RARB: variants seen among roughly 807,000 people sequenced by gnomAD.
The protein encoded by RARB is retinoic acid receptor beta.
A neutral mutation model predicts 51.9 loss-of-function variants in RARB; 17 were observed. That is an observed-to-expected ratio of 0.33 (90% CI 0.22 to 0.49). The LOEUF (loss-of-function observed/expected upper bound fraction) is 0.49. Ranked by LOEUF, RARB falls within the 20% of genes least tolerant of loss-of-function variation. The pLI is 0.99. For synonymous variants in RARB, 215 were observed against 195.4 expected, an observed-to-expected ratio of 1.10 and a Z score of -0.84; for missense variants, 369 against 550.8, an observed-to-expected ratio of 0.67 and a Z score of 3.30.
intron 2 of RARB, among the ~76,000 whole-genome samples, chr3:25,497,009 C>A (rs1215272464): frequency 6.6e-6 from 1 of 152,164 alleles, no homozygotes; most frequent in African/African-American, 2.4e-5. Flanking sequence ...CTCAGCCTCC[C>A]GAGTAGCTGG....
At chr3:24,953,184 A>G (rs1695937388) in intron 2 of RARB, among the ~76,000 whole-genome samples, 1 of 152,160 alleles carries the variant, frequency 6.6e-6, no homozygotes, top group African/African-American at 2.4e-5. Context: ...AAGTGGTATT[A>G]TGCATCTCTT....
In RARB at chr3:24,912,658, A is replaced by G. The variant is rs553121335; in HGVS notation, c.-380+53906A>G. Among the ~76,000 whole-genome samples the G allele has an allele frequency of 5.6e-4, 85 of 152,174 alleles. 1 individual carries two copies. Among genetic ancestry groups the G allele is most frequent in the Non-Finnish European group, 1.0e-3 (70 of 68,032 alleles). On this transcript the variant is annotated intron_variant, in intron 2 of 11. Coordinates refer to the RARB transcript ENST00000383772. ...CCCATCGCTGGGAGGATTTAAATAG[A>G]AGAAGCCACTATTTCTCAGGGAAGA...
intron 5 of RARB, among the ~76,000 whole-genome samples, chr3:25,233,244 C>T (rs919343985): frequency 3.3e-5 from 5 of 152,040 alleles, no homozygotes; most frequent in African/African-American, 7.2e-5. Flanking sequence ...CAGGTGCGAG[C>T]CACAGCACCC....
intron 2 of RARB, among the ~76,000 whole-genome samples, chr3:25,490,142 CTCATAGACTCTATGAGTT>C (rs1395358927): frequency 6.6e-6 from 1 of 152,194 alleles, no homozygotes; most frequent in Non-Finnish European, 1.5e-5. Context: ...TTCTCCCATT[CTCATAGACTCTATGAGTT>C]TTTCCTTTTT....
At chr3:24,920,897 T>C (rs1353738115) in intron 2 of RARB, among the ~76,000 whole-genome samples, 1 of 152,196 alleles carries the variant, frequency 6.6e-6, no homozygotes, top group African/African-American at 2.4e-5. Context: ...TTGATATGAT[T>C]TGAGTGTCAA....
intron 3 of RARB, among the ~76,000 whole-genome samples, chr3:25,109,790 A>G (rs1699569575): frequency 6.6e-6 from 1 of 152,134 alleles, no homozygotes; most frequent in African/African-American, 2.4e-5. Context: ...TTTCAAAAGC[A>G]GCAGTTGATT....
At chr3:25,047,557 G>A (rs569056133) in intron 2 of RARB, among the ~76,000 whole-genome samples, 4 of 152,206 alleles carry the variant, frequency 2.6e-5, no homozygotes, top group Non-Finnish European at 5.9e-5. Context: ...GTAACTAGAG[G>A]CCATTGTGTA....
intron 3 of RARB, among the ~76,000 whole-genome samples, chr3:25,564,272 A>G (rs946776442): frequency 2.0e-5 from 3 of 152,238 alleles, no homozygotes; most frequent in Non-Finnish European, 4.4e-5. Context: ...TGGATCATAA[A>G]TATGTTACTT....
chr3:25,135,158 C>T (rs951637160), intron 4 of RARB, among the ~76,000 whole-genome samples: 8 of 151,110 alleles, frequency 5.3e-5, no homozygotes, highest in Non-Finnish European at 7.4e-5. Flanking sequence ...GAAATTGTTT[C>T]GATCCATCGA....
At chr3:24,950,725 A>AAAAAAAG (rs758124980) in intron 2 of RARB, among the ~76,000 whole-genome samples, 3 of 111,728 alleles carry the variant, frequency 2.7e-5, no homozygotes, top group Non-Finnish European at 3.6e-5. Flanking sequence ...AAAAAAAAAA[A>AAAAAAAG]AAGGTGATTT....
intron 3 of RARB, among the ~76,000 whole-genome samples, chr3:25,559,727 GAGAT>G (rs1458289001): frequency 9.2e-5 from 14 of 152,180 alleles, no homozygotes; most frequent in African/African-American, 3.1e-4. Flanking sequence ...TGAATGGACA[GAGAT>G]AGATAGACAG....
upstream of RARB, among the ~76,000 whole-genome samples, chr3:25,424,896 G>T (rs1707948501): frequency 6.6e-6 from 1 of 152,214 alleles, no homozygotes; most frequent in African/African-American, 2.4e-5. Flanking sequence ...CAGAGAAACA[G>T]ATGTAGACCC....
chr3:25,360,673 G>T (rs1326581544), intron 5 of RARB, among the ~76,000 whole-genome samples: 1 of 152,136 alleles, frequency 6.6e-6, no homozygotes, highest in African/African-American at 2.4e-5. Context: ...CAGGCCTGGT[G>T]GTGACAAAAT....
intron 2 of RARB, among the ~76,000 whole-genome samples, chr3:25,010,845 A>T (rs549878209): frequency 4.0e-5 from 6 of 151,754 alleles, no homozygotes; most frequent in Admixed American, 6.6e-5. Context: ...TATTGCCGTG[A>T]CTCTTTTTGA....
intron 2 of RARB, among the ~76,000 whole-genome samples, chr3:24,972,953 C>T (rs73143037): frequency 3.3e-5 from 5 of 151,898 alleles, no homozygotes; most frequent in Admixed American, 2.6e-4. Flanking sequence ...TTGTTTCCTT[C>T]GCTATGCAGA....
chr3:25,484,995 ATAT>A (rs1253053527), intron 2 of RARB, among the ~76,000 whole-genome samples: 2 of 152,236 alleles, frequency 1.3e-5, no homozygotes, highest in Non-Finnish European at 2.9e-5. Flanking sequence ...GAAAGAAGTG[ATAT>A]TATATTACTA....
chr3:24,872,208 C>A (rs1702961071), intron 2 of RARB, among the ~76,000 whole-genome samples: 1 of 152,128 alleles, frequency 6.6e-6, no homozygotes, highest in South Asian at 2.1e-4. Context: ...TTTCCTCCAC[C>A]ATTACCATTA....
chr3:25,547,994 T>C (rs1699685421), intron 3 of RARB, among the ~76,000 whole-genome samples: 1 of 152,202 alleles, frequency 6.6e-6, no homozygotes, highest in South Asian at 2.1e-4. Context: ...TAGCATATTT[T>C]ATCTGTTTGA....
chr3:25,076,982 T>C (rs1698883593), intron 3 of RARB, among the ~76,000 whole-genome samples: 1 of 152,232 alleles, frequency 6.6e-6, no homozygotes, highest in Non-Finnish European at 1.5e-5. Context: ...GGTCTCTTTT[T>C]TGTTTTCCCA....
Sources: allele counts gnomAD v4.1 joint callset (sites outside exome capture counted in the v4.1 genomes callset), GRCh38; gene constraint gnomAD v4.1.1; transcripts MANE v1.5; gene names NCBI Gene and HGNC (gene_info 2026-07-23, HGNC 2026-07-21).